PHKB: variants seen among roughly 807,000 people sequenced by gnomAD.
PHKB encodes phosphorylase b kinase regulatory subunit beta.
In PHKB, 122 loss-of-function variants were observed where a neutral mutation model predicts 152.1. The observed-to-expected ratio is 0.80, with a 90% confidence interval of 0.69 to 0.93. The LOEUF is 0.93. Ranked by LOEUF, PHKB falls within the 40% of genes least tolerant of loss-of-function variation. PHKB has a pLI of 0.00. For synonymous variants in PHKB, 436 were observed against 464.9 expected (o/e 0.94, Z 0.80); for missense variants, 1,304 against 1,328.4 (o/e 0.98, Z 0.29).
At chr16:47,623,672 G>A (rs1972658885) in intron 14 of PHKB, among the ~76,000 whole-genome samples, 1 of 150,146 alleles carries the variant, frequency 6.7e-6, no homozygotes, top group Non-Finnish European at 1.5e-5. Flanking sequence ...TCCTGCCTCA[G>A]CTTCCTGAGT....
intron 1 of PHKB, among the ~76,000 whole-genome samples, chr16:47,485,935 G>A (rs1393345750): frequency 2.0e-5 from 3 of 150,858 alleles, no homozygotes; most frequent in African/African-American, 2.4e-5. Context: ...ACCGCTTTCT[G>A]TTGAAAGTCA....
At position 47,684,022 on chromosome 16, in the gene PHKB, CT is replaced by C. The variant is rs750820336; in HGVS notation, c.2631-5006del. Among the ~76,000 whole-genome samples the C allele has an allele frequency of 3.6e-3, 513 of 143,490 alleles. 1 individual carries two copies. Among genetic ancestry groups the C allele is most frequent in the Non-Finnish European group, 4.2e-3 (271 of 65,244 alleles). 94.1% of individuals were successfully genotyped at this position (143,490 alleles called of 152,430 possible). On this transcript the variant is annotated intron_variant, in intron 26 of 30. Coordinates refer to ENST00000323584, the MANE Select transcript of PHKB (RefSeq NM_000293.3). ...CAAGGATCAGTTCTATTCTGTATGG[CT>C]TTTTTTTTTTTTCCAGAAAATTTCA...
chr16:47,465,428 A>G (rs1473495285), intron 1 of PHKB, among the ~76,000 whole-genome samples: 1 of 152,260 alleles, frequency 6.6e-6, no homozygotes, highest in Admixed American at 6.5e-5. Flanking sequence ...AACATTACAT[A>G]GAGTGTTTGA....
At chr16:47,695,332 G>A (rs1167567464) in intron 28 of PHKB, among the ~76,000 whole-genome samples, 2 of 152,068 alleles carry the variant, frequency 1.3e-5, no homozygotes, top group South Asian at 2.1e-4. Flanking sequence ...CTGTAACCCC[G>A]TTAAGCCCAT....
intron 6 of PHKB, among the ~76,000 whole-genome samples, chr16:47,517,251 A>G (rs1970613143): frequency 6.7e-6 from 1 of 150,222 alleles, no homozygotes; most frequent in Non-Finnish European, 1.5e-5. Flanking sequence ...TGTTTTGTTC[A>G]GTAATTTTTT....
intron 1 of PHKB, among the ~76,000 whole-genome samples, chr16:47,468,858 A>G: frequency 6.6e-6 from 1 of 151,952 alleles, no homozygotes. Context: ...GGCTCTCTCT[A>G]ATAGCTATTT....
chr16:47,497,231 TC>T (rs1354576288), intron 1 of PHKB, among the ~76,000 whole-genome samples, 167 bp from the exon 2 acceptor site: 1 of 152,172 alleles, frequency 6.6e-6, no homozygotes, highest in Non-Finnish European at 1.5e-5. Flanking sequence ...GGTACTTTAT[TC>T]CCCCTCTTGT....
chr16:47,461,523 A>G, intron 1 of PHKB, 97 bp downstream of exon 1: 1 of 1,233,102 alleles, frequency 8.1e-7, no homozygotes, highest in Non-Finnish European at 1.2e-6. Flanking sequence ...CCTGGGAATG[A>G]ACCTGTGCCC....
At chr16:47,516,738 AT>A (rs1970604709) in intron 6 of PHKB, among the ~76,000 whole-genome samples, 1 of 152,222 alleles carries the variant, frequency 6.6e-6, no homozygotes, top group East Asian at 1.9e-4. Flanking sequence ...TTATAGTCTC[AT>A]ACAATAAATA....
chr16:47,609,539 A>G (rs893316357), intron 13 of PHKB, among the ~76,000 whole-genome samples: 1 of 144,504 alleles, frequency 6.9e-6, no homozygotes, highest in African/African-American at 2.8e-5. Flanking sequence ...CTATGTGTGG[A>G]TGTGTGTGTG....
At chr16:47,540,599 CT>C in intron 6 of PHKB, among the ~76,000 whole-genome samples, 1 of 152,094 alleles carries the variant, frequency 6.6e-6, no homozygotes, top group Middle Eastern at 3.4e-3. Flanking sequence ...TCTTTGTACT[CT>C]TTCTCTTTAT....
chr16:47,588,566 T>A (rs1204689247), intron 9 of PHKB, among the ~76,000 whole-genome samples: 1 of 152,206 alleles, frequency 6.6e-6, no homozygotes, highest in East Asian at 1.9e-4. Flanking sequence ...ACTCAACTAA[T>A]TGTTGGACAT....
At chr16:47,563,539 G>A (rs1296974343) in intron 7 of PHKB, among the ~76,000 whole-genome samples, 1 of 152,008 alleles carries the variant, frequency 6.6e-6, no homozygotes, top group African/African-American at 2.4e-5. Flanking sequence ...AAAATATTCA[G>A]GAAACCATGC....
chr16:47,531,975 A>AAC (rs1260731893), intron 6 of PHKB, among the ~76,000 whole-genome samples: 3 of 152,252 alleles, frequency 2.0e-5, no homozygotes. Context: ...GGTGAAAAGA[A>AAC]AAGCCAAGAC....
chr16:47,539,127 T>A (rs1971004954), intron 6 of PHKB, among the ~76,000 whole-genome samples: 1 of 152,224 alleles, frequency 6.6e-6, no homozygotes, highest in Non-Finnish European at 1.5e-5. Flanking sequence ...TAATCTTGGT[T>A]TTCCATAGTT....
At chr16:47,515,349 G>A (rs1216096274) in intron 5 of PHKB, among the ~76,000 whole-genome samples, 172 bp from the exon 6 acceptor site, 1 of 152,158 alleles carries the variant, frequency 6.6e-6, no homozygotes, top group African/African-American at 2.4e-5. Flanking sequence ...TACATACAAA[G>A]CTGGGATTTT....
At chr16:47,470,919 A>G (rs1375251124) in intron 1 of PHKB, among the ~76,000 whole-genome samples, 1 of 152,204 alleles carries the variant, frequency 6.6e-6, no homozygotes, top group Non-Finnish European at 1.5e-5. Flanking sequence ...GCTTTTGTAT[A>G]CATTCACTCT....
chr16:47,548,417 G>A (rs1971211740), intron 7 of PHKB, among the ~76,000 whole-genome samples: 1 of 152,086 alleles, frequency 6.6e-6, no homozygotes, highest in Non-Finnish European at 1.5e-5. Flanking sequence ...GACCAGCGTG[G>A]CCAACATGGT....
At chr16:47,602,906 A>G (rs1972257040) in intron 13 of PHKB, among the ~76,000 whole-genome samples, 1 of 152,166 alleles carries the variant, frequency 6.6e-6, no homozygotes, top group African/African-American at 2.4e-5. Context: ...CTCACTAACA[A>G]GAGTTATAGG....
Sources: allele counts gnomAD v4.1 joint callset (sites outside exome capture counted in the v4.1 genomes callset), GRCh38; gene constraint gnomAD v4.1.1; transcripts MANE v1.5; gene names NCBI Gene and HGNC (gene_info 2026-07-23, HGNC 2026-07-21).